Variants in NEK7 observed in about 807,000 individuals in gnomAD.
The protein encoded by NEK7 is NIMA related kinase 7.
In NEK7, 18 loss-of-function variants were observed where a neutral mutation model predicts 44.6. The observed-to-expected ratio is 0.40, with a 90% CI of 0.28 to 0.60. NEK7 has a LOEUF of 0.60. Ranked by LOEUF, NEK7 falls within the 20% of genes least tolerant of loss-of-function variation. NEK7 has a pLI of 0.38. For synonymous variants in NEK7, 130 were observed against 121.1 expected (o/e 1.07, Z -0.48); for missense variants, 256 against 366.5 (o/e 0.70, Z 2.46).
At chr1:198,175,634 C>A (rs1309709709) in intron 1 of NEK7, among the ~76,000 whole-genome samples, 1 of 152,162 alleles carries the variant, frequency 6.6e-6, no homozygotes, top group Non-Finnish European at 1.5e-5. Flanking sequence ...TTTTGCCAGA[C>A]TTTAGTTGTT....
chr1:198,289,130 GTT>G (rs1012423378), intron 7 of NEK7, among the ~76,000 whole-genome samples: 3 of 85,416 alleles, frequency 3.5e-5, no homozygotes, highest in Non-Finnish European at 6.4e-5. Flanking sequence ...ATTCCCTGAA[GTT>G]GTGTGTGTGT....
At chr1:198,252,852 A>G (rs1653116612) in intron 2 of NEK7, among the ~76,000 whole-genome samples, 188 bp from the exon 3 acceptor site, 1 of 151,800 alleles carries the variant, frequency 6.6e-6, no homozygotes, top group Admixed American at 6.6e-5. Context: ...TTGTCTCTCT[A>G]GTCTGCTACT....
chr1:198,238,248 T>C (rs1198777429), intron 2 of NEK7, among the ~76,000 whole-genome samples: 1 of 152,090 alleles, frequency 6.6e-6, no homozygotes, highest in Non-Finnish European at 1.5e-5. Flanking sequence ...GGCTACTTAT[T>C]CTCCCTTGCC....
At chr1:198,199,154 T>C (rs1326261255) in intron 1 of NEK7, among the ~76,000 whole-genome samples, 1 of 152,248 alleles carries the variant, frequency 6.6e-6, no homozygotes, top group Non-Finnish European at 1.5e-5. Context: ...TATTGTATAA[T>C]GCTTTTGGGA....
At chr1:198,276,576 G>T (rs999107594) in intron 5 of NEK7, among the ~76,000 whole-genome samples, 1 of 151,596 alleles carries the variant, frequency 6.6e-6, no homozygotes, top group African/African-American at 2.4e-5. Flanking sequence ...GATATGGGAG[G>T]TTTCTAACAT....
chr1:198,277,513 A>G (rs1654052674), intron 5 of NEK7, among the ~76,000 whole-genome samples: 1 of 151,762 alleles, frequency 6.6e-6, no homozygotes, highest in Non-Finnish European at 1.5e-5. Context: ...TTAATAAATT[A>G]TGATATTTCA....
intron 7 of NEK7, 97 bp from the exon 8 acceptor site, chr1:198,292,848 G>A: frequency 1.3e-6 from 1 of 743,380 alleles, no homozygotes; most frequent in Non-Finnish European, 2.4e-6. Flanking sequence ...TTATTTTGGT[G>A]ATGTTTTTAA....
intron 1 of NEK7, among the ~76,000 whole-genome samples, chr1:198,166,471 C>G (rs183343323): frequency 1.4e-4 from 21 of 152,278 alleles, no homozygotes; most frequent in East Asian, 1.2e-3. Context: ...TCTCACTAAG[C>G]TTAATCATTT....
chr1:198,205,130 A>G (rs757586808), intron 1 of NEK7, among the ~76,000 whole-genome samples: 1 of 152,146 alleles, frequency 6.6e-6, no homozygotes, highest in Admixed American at 6.5e-5. Context: ...GATCCAATTT[A>G]TACTCAGAAA....
chr1:198,261,639 C>T (rs1410014202), intron 3 of NEK7, among the ~76,000 whole-genome samples: 1 of 151,808 alleles, frequency 6.6e-6, no homozygotes, highest in Non-Finnish European at 1.5e-5. Flanking sequence ...GGGTTTTAAT[C>T]AGCTTGCAGT....
chr1:198,200,757 G>A (rs572775372), intron 1 of NEK7, among the ~76,000 whole-genome samples: 1 of 152,114 alleles, frequency 6.6e-6, no homozygotes, highest in African/African-American at 2.4e-5. Context: ...CACCATATTG[G>A]CCAGGCTGGT....
At chr1:198,178,491 T>A (rs1201989415) in intron 1 of NEK7, among the ~76,000 whole-genome samples, 2 of 152,052 alleles carry the variant, frequency 1.3e-5, no homozygotes, top group Non-Finnish European at 2.9e-5. Flanking sequence ...TTTTCCAAGA[T>A]AATAGAAATT....
intron 1 of NEK7, among the ~76,000 whole-genome samples, chr1:198,215,805 A>G (rs1665901307): frequency 7.8e-6 from 1 of 127,824 alleles, no homozygotes; most frequent in African/African-American, 3.4e-5. Flanking sequence ...CAGTAAAAAA[A>G]TAAAAAAAAA....
chr1:198,290,152 A>T (rs957030821), intron 7 of NEK7, among the ~76,000 whole-genome samples: 1 of 152,198 alleles, frequency 6.6e-6, no homozygotes, highest in Admixed American at 6.5e-5. Flanking sequence ...TTTTACCTAC[A>T]ATCATAAATT....
intron 7 of NEK7, among the ~76,000 whole-genome samples, chr1:198,290,529 T>C (rs930403083): frequency 5.9e-5 from 9 of 152,092 alleles, no homozygotes; most frequent in Admixed American, 1.3e-4. Context: ...CTTTGCTCAG[T>C]GTCAGTCAGC....
chr1:198,302,447 A>G (rs1654917235), intron 9 of NEK7, among the ~76,000 whole-genome samples: 1 of 151,692 alleles, frequency 6.6e-6, no homozygotes, highest in Non-Finnish European at 1.5e-5. Flanking sequence ...GCAGCCTGAT[A>G]ATATCTTTTC....
At chr1:198,317,025 TA>T (rs1453047680) in intron 9 of NEK7, among the ~76,000 whole-genome samples, 1 of 152,242 alleles carries the variant, frequency 6.6e-6, no homozygotes, top group African/African-American at 2.4e-5. Flanking sequence ...AAGCATATTT[TA>T]ATTTCGTAGG....
intron 8 of NEK7, among the ~76,000 whole-genome samples, chr1:198,293,307 A>G (rs571244540): frequency 6.6e-6 from 1 of 152,020 alleles, no homozygotes; most frequent in Admixed American, 6.5e-5. Context: ...CTTTCTCTAT[A>G]TCTTGCATTT....
chr1:198,269,392 T>C (rs1653766727), intron 5 of NEK7, among the ~76,000 whole-genome samples: 1 of 152,076 alleles, frequency 6.6e-6, no homozygotes, highest in South Asian at 2.1e-4. Context: ...AGTTAAGAAA[T>C]TCTAAAATTG....
Sources: allele counts gnomAD v4.1 joint callset (sites outside exome capture counted in the v4.1 genomes callset), GRCh38; gene constraint gnomAD v4.1.1; transcripts MANE v1.5; gene names NCBI Gene and HGNC (gene_info 2026-07-23, HGNC 2026-07-21).